Variants in SIDT2 observed in about 807,000 individuals in gnomAD.
SIDT2 encodes SID1 transmembrane family, member 2.
A neutral mutation model predicts 114.4 loss-of-function variants in SIDT2; 68 were observed. The observed-to-expected ratio is 0.59, with a 90% confidence interval of 0.49 to 0.73. The LOEUF (loss-of-function observed/expected upper bound fraction) is 0.73, where lower values mean the gene tolerates loss of function less well. Among genes scored for constraint, SIDT2 ranks in the 30% least tolerant of loss-of-function variants. SIDT2 has a pLI of 0.00. For missense variants in SIDT2, 918 were observed against 1,097.1 expected (o/e 0.84, Z 2.31); for synonymous variants, 470 against 438.4 (o/e 1.07, Z -0.90).
At chr11:117,184,498 C>T (rs1267183646) in intron 8 of SIDT2, among the ~76,000 whole-genome samples, 1 of 151,856 alleles carries the variant, frequency 6.6e-6, no homozygotes, top group East Asian at 1.9e-4. Flanking sequence ...AGAAACATAC[C>T]CTAATTTGTC....
intron 6 of SIDT2, 22 bp downstream of exon 6, chr11:117,182,828 G>A (rs776924510): frequency 1.0e-5 from 16 of 1,607,738 alleles, no homozygotes; most frequent in Admixed American, 5.1e-5. Flanking sequence ...ATGTGGCCAC[G>A]TGGGAGGTGT....
chr11:117,189,014 C>G lies in SIDT2; in HGVS notation c.1279-155C>G, dbSNP rs926594177. On this transcript the variant is annotated intron_variant, in intron 13 of 25. Transcript: ENST00000324225. ...CTTCCGGCCTGATTGGCCAAACCCT[C>G]TTGGTCTAAGCGGCCGCAGCAGTGG... The G allele has an allele frequency of 1.0e-5, 10 of 992,278 alleles. No homozygotes were observed. The African/African-American group carries it at 1.4e-4, about 14-fold the overall frequency. The allele number at this position is 992,278 out of a possible 1,614,324, so 61.5% of individuals were successfully genotyped here. A position where few individuals can be genotyped will look rare whatever the true frequency, so the allele number is the denominator to read the frequency against.
chr11:117,192,988 G>A lies in SIDT2; in HGVS notation c.2105+122G>A. 2 of 1,404,204 alleles carry A rather than the reference G, an allele frequency of 1.4e-6. No individual in the cohort carries two copies. The highest frequency in any genetic ancestry group is 2.0e-6 in the Non-Finnish European group (2 of 989,498). The allele number at this position is 1,404,204 out of a possible 1,614,324, so 87.0% of individuals were successfully genotyped here. The stretch of plus-strand genomic sequence containing the variant: ...TGGGCATAAGACATGGGGGCTAAGA[G>A]AGATCTTGGCCTCTCTTCTCTCTCT... On this transcript the variant is annotated intron_variant, in intron 22 of 25. Transcript: ENST00000324225. The surrounding 1 kb of genome is among the most constrained non-coding windows in gnomAD (Gnocchi z 5.9).
Position 117,188,729 on chromosome 11 carries a change from G to T in SIDT2, c.1181G>T (p.Gly394Val). 7 of 1,614,140 alleles carry T rather than the reference G, an allele frequency of 4.3e-6. No individual in the cohort carries two copies. The highest frequency in any genetic ancestry group is 3.4e-6 in the Non-Finnish European group (4 of 1,179,998). ...GYQGRSFEPV[G>V]TRPRVDSMSS... Reference sequence around the variant, plus strand: ...CCAGGCCGCTCCTTTGAACCTGTAGGTACTCGGCCCCGAGTGGACTCCATG... The same window carrying T: ...CCAGGCCGCTCCTTTGAACCTGTAGTTACTCGGCCCCGAGTGGACTCCATG... The change falls in exon 13 of 26, where the codon GGT (glycine) becomes GTT (valine). Residue 394 changes from glycine to valine, a missense_variant. By Grantham distance (109) the Gly-to-Val change is moderately radical. Coordinates refer to ENST00000324225, the MANE Select transcript of SIDT2 (RefSeq NM_001040455.2). This position sits in a 1 kb window ranked among gnomAD's most constrained non-coding sequence, Gnocchi z 4.0.
In SIDT2 at chr11:117,187,059, G is replaced by C. The variant is rs1054063322; in HGVS notation, c.1016-319G>C. On this transcript the variant is annotated intron_variant, in intron 10 of 25. Transcript: ENST00000324225. ...GAGTCCAGAGTAGGGGAGGGAGGGT[G>C]CAGCACAGGGCTGTCTGGAGGGCTC... 11 of 1,459,102 alleles carry C rather than the reference G, an allele frequency of 7.5e-6. No homozygotes were observed. The African/African-American group carries it at 1.5e-4, about 20-fold the overall frequency. The allele number at this position is 1,459,102 out of a possible 1,614,324, so 90.4% of individuals were successfully genotyped here.
rs571278853 is a variant in SIDT2 at position 117,189,912 on chromosome 11, G to A, written c.1420-40G>A. ...TGGCGGGGCGTGGGCTGAGTTGGGC[G>A]TGACGACAGACCCACTCCCTGTCCC... On this transcript the variant is annotated intron_variant, in intron 15 of 25. Transcript: ENST00000324225. 1.1e-4 allele frequency: 172 copies of A among 1,604,156 alleles called. No homozygotes were observed. The East Asian group carries it at 2.9e-3, about 27-fold the overall frequency.
In SIDT2 at chr11:117,188,174, C is replaced by G; in HGVS notation, c.1159+475C>G. ...CTCCAGGCTGGACAATCTAGTTTAT[C>G]GTCTGCGTTGCCAGCGCCCTCACTC... is the stretch of plus-strand genomic sequence containing the variant. On this transcript the variant is annotated intron_variant, in intron 12 of 25. Transcript: ENST00000324225. This position sits in a 1 kb window ranked among gnomAD's most constrained non-coding sequence, Gnocchi z 4.0. 1 of 362,146 alleles carries G rather than the reference C, an allele frequency of 2.8e-6. No homozygotes were observed. Among genetic ancestry groups the G allele is most frequent in the East Asian group, 7.3e-5 (1 of 13,672 alleles). 22.4% of individuals were successfully genotyped at this position (362,146 alleles called of 1,614,324 possible).
Position 117,181,422 on chromosome 11 carries a change from G to A in SIDT2, c.190G>A (p.Gly64Ser). ...TTTCCATGTCGTTCTGCAGACAGAG[G>A]GCGTGCGTGTGTCTGTGAACGTCCT... ...NHTVTRNRTE[G>S]VRVSVNVLNK... The change falls in exon 2 of 26, where the codon GGC (glycine) becomes AGC (serine). Residue 64 changes from glycine (G) to serine (S), a missense_variant. This residue lies in a region of SIDT2 where 553 missense variants were observed against 600.1 expected (regional missense o/e 0.92). Coordinates refer to ENST00000324225, the MANE Select transcript of SIDT2 (RefSeq NM_001040455.2). 6.2e-7 allele frequency: 1 copy of A among 1,613,520 alleles called. No individual in the cohort carries two copies. The highest frequency in any genetic ancestry group is 8.5e-7 in the Non-Finnish European group (1 of 1,179,950).
chr11:117,192,722 C>T lies in SIDT2; in HGVS notation c.2058+72C>T. 2 of 1,611,666 alleles carry T rather than the reference C, an allele frequency of 1.2e-6. No individual in the cohort carries two copies. The highest frequency in any genetic ancestry group is 1.7e-4 in the Middle Eastern group (1 of 6,050). On this transcript the variant is annotated intron_variant, in intron 21 of 25. Coordinates refer to ENST00000324225, the MANE Select transcript of SIDT2 (RefSeq NM_001040455.2). This position sits in a 1 kb window ranked among gnomAD's most constrained non-coding sequence, Gnocchi z 5.9. Reference sequence around the variant, plus strand: ...CCTCTGATGGGGGAGTGGGGCTGGGCTGAGGACCCAGGGGAGAGTGGGGAC... The same window carrying T: ...CCTCTGATGGGGGAGTGGGGCTGGGTTGAGGACCCAGGGGAGAGTGGGGAC...
At chr11:117,195,641 G>A (rs2030869616) in intron 24 of SIDT2, among the ~76,000 whole-genome samples, 161 bp from the exon 25 acceptor site, 1 of 152,202 alleles carries the variant, frequency 6.6e-6, no homozygotes, top group Admixed American at 6.5e-5. Flanking sequence ...CCATTTGTTA[G>A]ATCGGGAAGG....
Position 117,192,290 on chromosome 11 carries a change from T to C in SIDT2, c.1909T>C (p.Phe637Leu), listed in dbSNP as rs764763477. The change falls in exon 20 of 26, where the codon TTC becomes CTC. Residue 637 changes from phenylalanine (F) to leucine (L), a missense_variant. Physicochemically the swap from Phe to Leu is conservative, Grantham distance 22. Transcript: ENST00000324225. The surrounding 1 kb of genome is among the most constrained non-coding windows in gnomAD (Gnocchi z 5.9). Reference sequence around the variant, plus strand: ...AGGGAACACGGCGTTCTGGATCGTCTTCTCCATCATTCACATCATCGCCAC... The same window carrying C: ...AGGGAACACGGCGTTCTGGATCGTCCTCTCCATCATTCACATCATCGCCAC... Reference protein sequence around the residue: ...GKGNTAFWIVFSIIHIIATLL... With the variant: ...GKGNTAFWIVLSIIHIIATLL... The C allele has an allele frequency of 1.3e-5, 21 of 1,612,604 alleles. 2 individuals are homozygous for C. In the South Asian group the frequency reaches 2.1e-4, roughly 16 times the overall value.
intron 6 of SIDT2, 62 bp from the exon 7 acceptor site, chr11:117,183,717 G>A (rs1591766767): frequency 5.2e-6 from 6 of 1,156,972 alleles, no homozygotes; most frequent in Non-Finnish European, 6.5e-6. Flanking sequence ...CCCAGAACAA[G>A]TATTTAGAAA....
Position 117,193,939 on chromosome 11 carries a change from C to T in SIDT2, c.2298C>T (p.Phe766=). The T allele has an allele frequency of 1.9e-6, 3 of 1,614,050 alleles. No individual in the cohort carries two copies. The highest frequency in any genetic ancestry group is 2.5e-6 in the Non-Finnish European group (3 of 1,179,984). Residue 766 remains phenylalanine, a synonymous_variant, in exon 24 of 26, where the codon TTC becomes TTT. Coordinates refer to ENST00000324225, the MANE Select transcript of SIDT2 (RefSeq NM_001040455.2). ...SVVWGFALFF[F]FQGLSTWQKT... ...TCTGGGGCTTCGCGCTCTTCTTCTT[C>T]TTCCAGGGACTCAGCACCTGGCAGG...
Position 117,186,650 on chromosome 11 carries a change from G to A in SIDT2, c.1015+14G>A. ...GCCCAGAAAGCGGTACCTCCAGGGG[G>A]CCTGGGTGGGGCGGGCACAGTGTGC... On this transcript the variant is annotated intron_variant, in intron 10 of 25. Coordinates refer to ENST00000324225, the MANE Select transcript of SIDT2 (RefSeq NM_001040455.2). 2 of 1,555,222 alleles carry A rather than the reference G, an allele frequency of 1.3e-6. No individual in the cohort carries two copies. The highest frequency in any genetic ancestry group is 1.7e-6 in the Non-Finnish European group (2 of 1,154,916).
Position 117,186,145 on chromosome 11 carries a change from G to A in SIDT2, c.884G>A (p.Ser295Asn). The change falls in exon 9 of 26, where the codon AGT becomes AAT. Residue 295 changes from serine (S) to asparagine (N), a missense_variant. By Grantham distance (46) the Ser-to-Asn change is conservative. Transcript: ENST00000324225. ...CTCCTTGAAGCTGAGGCATACGTCA[G>A]TGGGATGCTCTTTTGCCTGGGTATA... The part of the protein sequence containing the change: ...SQAVTSEAYV[S>N]GMLFCLGIFL... The A allele has an allele frequency of 1.2e-6, 2 of 1,614,116 alleles. No individual in the cohort carries two copies. The highest frequency in any genetic ancestry group is 1.7e-6 in the Non-Finnish European group (2 of 1,180,012).
rs1309725544 is a variant in SIDT2, at chr11:117,187,089, G to A, written c.1016-289G>A. 7.6e-6 allele frequency: 11 copies of A among 1,443,732 alleles called. No individual in the cohort carries two copies. The Admixed American group carries it at 1.8e-4, about 24-fold the overall frequency. 89.4% of individuals were successfully genotyped at this position (1,443,732 alleles called of 1,614,324 possible). On this transcript the variant is annotated intron_variant, in intron 10 of 25. Transcript: ENST00000324225. ...ACAGGGCTGTCTGGAGGGCTCGTGG[G>A]CGGGCCAGTGTTGTCTTTGTTGCTG... is the stretch of plus-strand genomic sequence containing the variant.
chr11:117,193,599 C>T (rs1371105916), intron 23 of SIDT2, among the ~76,000 whole-genome samples: 1 of 152,160 alleles, frequency 6.6e-6, no homozygotes, highest in Non-Finnish European at 1.5e-5. Flanking sequence ...GATTGGAGCC[C>T]CCTGCATAGG....
chr11:117,192,383 G>A lies in SIDT2; in HGVS notation c.1981+21G>A. 6.6e-7 allele frequency: 1 copy of A among 1,510,504 alleles called. No homozygotes were observed. Among genetic ancestry groups the A allele is most frequent in the South Asian group, 1.1e-5 (1 of 88,940 alleles). 93.6% of individuals were successfully genotyped at this position (1,510,504 alleles called of 1,614,324 possible). ...ACTGGGTAAGGGCACGCCCGGGGCAGGGCCTGGGGGAGGGGTCTGGGGGGC... is the reference window on the plus strand; with the variant it reads ...ACTGGGTAAGGGCACGCCCGGGGCAAGGCCTGGGGGAGGGGTCTGGGGGGC... On this transcript the variant is annotated intron_variant, in intron 20 of 25. Coordinates refer to ENST00000324225, the MANE Select transcript of SIDT2 (RefSeq NM_001040455.2). The surrounding 1 kb of genome is among the most constrained non-coding windows in gnomAD (Gnocchi z 5.9).
Position 117,179,209 on chromosome 11 carries a change from C to T in SIDT2, c.-55C>T. 6.4e-7 allele frequency: 1 copy of T among 1,567,750 alleles called. No individual in the cohort carries two copies. Among genetic ancestry groups the T allele is most frequent in the Non-Finnish European group, 8.7e-7 (1 of 1,155,626 alleles). ...GCAACCCGTCCCGGAGGTGTCCTGTCTCCTGTCGCCGCCGCCGCCGCCACC... is the reference window on the plus strand; with the variant it reads ...GCAACCCGTCCCGGAGGTGTCCTGTTTCCTGTCGCCGCCGCCGCCGCCACC... On this transcript the variant is annotated 5_prime_UTR_variant, in exon 1 of 26. Coordinates refer to ENST00000324225, the MANE Select transcript of SIDT2 (RefSeq NM_001040455.2).
Sources: gnomAD v4.1 joint callset for allele counts (sites outside exome capture counted in the v4.1 genomes callset) on GRCh38, gnomAD v4.1.1 for gene constraint, gnomAD v4.1.1 regional missense constraint, Gnocchi (gnomAD v3.1) non-coding constraint, MANE v1.5 for transcripts, NCBI Gene and HGNC (gene_info 2026-07-23, HGNC 2026-07-21) for gene names.